CAMK1G: variants seen among roughly 807,000 people sequenced by gnomAD.
The protein encoded by CAMK1G is calcium/calmodulin-dependent protein kinase type 1G.
In CAMK1G, 27 loss-of-function variants were observed where a neutral mutation model predicts 54.8. That is an observed-to-expected ratio of 0.49 (90% CI 0.36 to 0.68). The LOEUF is 0.68. Ranked by LOEUF, CAMK1G falls within the 30% of genes least tolerant of loss-of-function variation. The pLI is 0.00. For missense variants in CAMK1G, 512 were observed against 591.0 expected, an observed-to-expected ratio of 0.87 and a Z score of 1.39; for synonymous variants, 238 against 224.9, an observed-to-expected ratio of 1.06 and a Z score of -0.52.
chr1:209,595,183 G>C, intron 2 of CAMK1G, 108 bp downstream of exon 2: 1 of 775,506 alleles, frequency 1.3e-6, no homozygotes, highest in Admixed American at 2.3e-5. Context: ...AGGCTGCTGT[G>C]ACTTCATTTC....
At chr1:209,588,449 C>T (rs1329847085) in intron 1 of CAMK1G, among the ~76,000 whole-genome samples, 1 of 152,006 alleles carries the variant, frequency 6.6e-6, no homozygotes, top group Non-Finnish European at 1.5e-5. Flanking sequence ...ACGTGATGCT[C>T]CTAAGACTCT....
chr1:209,598,332 A>G (rs7533785), intron 2 of CAMK1G, among the ~76,000 whole-genome samples: 78,960 of 152,124 alleles, frequency 0.52, 20,708 homozygotes, highest in African/African-American at 0.59. Flanking sequence ...ACTGGTACAG[A>G]GTGATCACCA....
intron 1 of CAMK1G, among the ~76,000 whole-genome samples, chr1:209,594,356 A>G (rs1437692094): frequency 2.6e-5 from 4 of 152,206 alleles, no homozygotes; most frequent in Non-Finnish European, 5.9e-5. Flanking sequence ...CTAAATACAT[A>G]TTGGTTAACT....
chr1:209,606,380 G>A lies in CAMK1G; in HGVS notation c.496G>A (p.Gly166Ser). The A allele has an allele frequency of 6.2e-7, 1 of 1,614,086 alleles. No homozygotes were observed. Among genetic ancestry groups the A allele is most frequent in the Non-Finnish European group, 8.5e-7 (1 of 1,179,972 alleles). The part of the protein sequence containing the change: ...ENSKIMITDF[G>S]LSKMEQNGIM... ...CTCTAAGATCATGATCACTGACTTT[G>A]GTCTGTCCAAGATGGAACAGAATGG... is the stretch of plus-strand genomic sequence containing the variant. Residue 166 changes from glycine to serine, a missense_variant, in exon 6 of 13, where the codon GGT becomes AGT. Gly to Ser is a moderately conservative substitution (Grantham distance 56). Around this residue, in one of 3 missense-constraint regions of CAMK1G, gnomAD observed 186 missense variants for 231.5 expected, o/e 0.80. Transcript: ENST00000361322.
chr1:209,610,668 C>T (rs1665759380), intron 9 of CAMK1G, among the ~76,000 whole-genome samples: 1 of 152,210 alleles, frequency 6.6e-6, no homozygotes, highest in Admixed American at 6.5e-5. Flanking sequence ...CAGTCTCTGC[C>T]CTTCCCTGAA....
Position 209,605,526 on chromosome 1 carries a change from A to G in CAMK1G, c.297-10A>G, listed in dbSNP as rs1268384074. On this transcript the variant is annotated splice_polypyrimidine_tract_variant and intron_variant, in intron 4 of 12. Coordinates refer to ENST00000361322, the MANE Select transcript of CAMK1G (RefSeq NM_020439.3). ...AGAACTGAATTCCTGTCTTGATCCT[A>G]TGCCCACAGTGTTTCTGGTGGGGAG... 3.7e-6 allele frequency: 6 copies of G among 1,613,248 alleles called. No homozygotes were observed. In the African/African-American group the frequency reaches 6.7e-5, roughly 18 times the overall value.
chr1:209,591,081 T>C (rs534797799), intron 1 of CAMK1G, among the ~76,000 whole-genome samples: 231 of 151,950 alleles, frequency 1.5e-3, no homozygotes, highest in Non-Finnish European at 2.3e-3. Context: ...GCTAAAGATA[T>C]CCCCCGACTC....
intron 4 of CAMK1G, among the ~76,000 whole-genome samples, chr1:209,604,008 C>T (rs912299164): frequency 3.3e-5 from 5 of 152,148 alleles, no homozygotes; most frequent in African/African-American, 9.7e-5. Context: ...GGCTCAAAGA[C>T]ACTTCTGTTT....
intron 2 of CAMK1G, among the ~76,000 whole-genome samples, chr1:209,598,733 C>T (rs1665449221): frequency 6.6e-6 from 1 of 152,232 alleles, no homozygotes; most frequent in South Asian, 2.1e-4. Flanking sequence ...CCCTCATCTA[C>T]CCTTTCACTT....
At chr1:209,594,303 G>A (rs966439038) in intron 1 of CAMK1G, among the ~76,000 whole-genome samples, 1 of 152,208 alleles carries the variant, frequency 6.6e-6, no homozygotes, top group Non-Finnish European at 1.5e-5. Context: ...GCCAGCATCT[G>A]TGTTGTTATC....
In CAMK1G at chr1:209,599,978, C is replaced by T; in HGVS notation, c.93-5C>T. 1.2e-6 allele frequency: 2 copies of T among 1,613,074 alleles called. No individual in the cohort carries two copies. Among genetic ancestry groups the T allele is most frequent in the Non-Finnish European group, 1.7e-6 (2 of 1,179,654 alleles). Reference sequence around the variant, plus strand: ...AAGTTTTATCTTTTGGTGTCTTCTCCTCAGAGGAGCTTTCTCAGAAGTTTT... The same window carrying T: ...AAGTTTTATCTTTTGGTGTCTTCTCTTCAGAGGAGCTTTCTCAGAAGTTTT... On this transcript the variant is annotated splice_region_variant and splice_polypyrimidine_tract_variant and intron_variant, in intron 2 of 12. Coordinates refer to ENST00000361322, the MANE Select transcript of CAMK1G (RefSeq NM_020439.3).
chr1:209,612,165 A>G lies in CAMK1G; in HGVS notation c.1289A>G (p.Lys430Arg). ...SSCLNIGSKGKSSYCSEPTLL... is the reference protein window; with the variant it reads ...SSCLNIGSKGRSSYCSEPTLL... ...TGCCTGAACATTGGGAGCAAAGGAA[A>G]GTCCTCCTACTGCTCTGAGCCCACA... Residue 430 changes from lysine to arginine, a missense_variant, in exon 11 of 13, where the codon AAG (lysine) becomes AGG (arginine). Physicochemically the swap from Lys to Arg is conservative, Grantham distance 26 (BLOSUM62 2). This residue lies in a region of CAMK1G where 315 missense variants were observed against 330.5 expected (regional missense o/e 0.95). Transcript: ENST00000361322. 17 of 1,614,190 alleles carry G rather than the reference A, an allele frequency of 1.1e-5. No homozygotes were observed. The highest frequency in any genetic ancestry group is 1.4e-5 in the Non-Finnish European group (17 of 1,180,040).
rs139589508 is a variant in CAMK1G at position 209,603,217 on chromosome 1, C to A, written c.225C>A (p.Ile75=). ...LENEIAVLKK[I]KHENIVTLED... is the part of the protein sequence containing the mutation. ...TCATGCACTTTATTTTTCCCAGGAT[C>A]AAGCATGAAAACATTGTGACCCTGG... Residue 75 remains isoleucine (I), a synonymous_variant, in exon 4 of 13, where the codon ATC becomes ATA. Transcript: ENST00000361322. The A allele has an allele frequency of 4.3e-6, 7 of 1,614,090 alleles. No homozygotes were observed. The highest frequency in any genetic ancestry group is 5.9e-6 in the Non-Finnish European group (7 of 1,179,964).
chr1:209,605,608 G>C lies in CAMK1G; in HGVS notation c.369G>C (p.Val123=). 1 of 1,614,164 alleles carries C rather than the reference G, an allele frequency of 6.2e-7. No individual in the cohort carries two copies. ...ACACAGAGAAGGATGCCAGTCTGGT[G>C]ATCCAGCAGGTCTTGTCGGCAGTGA... ...GVYTEKDASL[V]IQQVLSAVKY... Residue 123 remains valine (V), a synonymous_variant, in exon 5 of 13, where the codon GTG becomes GTC. Coordinates refer to ENST00000361322, the MANE Select transcript of CAMK1G (RefSeq NM_020439.3).
At position 209,605,548 on chromosome 1, in the gene CAMK1G, G is replaced by A; in HGVS notation, c.309G>A (p.Gly103=). The stretch of plus-strand genomic sequence containing the variant: ...CCTATGCCCACAGTGTTTCTGGTGG[G>A]GAGCTCTTTGACCGGATCCTGGAGC... The part of the protein sequence containing the change: ...YYLVMQLVSG[G]ELFDRILERG... The change falls in exon 5 of 13, where the codon GGG becomes GGA. Residue 103 remains glycine (G), a synonymous_variant. Transcript: ENST00000361322. 1 of 1,613,970 alleles carries A rather than the reference G, an allele frequency of 6.2e-7. No individual in the cohort carries two copies. Among genetic ancestry groups the A allele is most frequent in the Non-Finnish European group, 8.5e-7 (1 of 1,179,916 alleles).
At position 209,612,803 on chromosome 1, in the gene CAMK1G, C is replaced by T; in HGVS notation, c.1359C>T (p.Val453=). ...TTTCTAGGAACTTCAAGTCGGAGGTCATGGTACCAGTTAAAGCCAGTGGCA... is the reference window on the plus strand; with the variant it reads ...TTTCTAGGAACTTCAAGTCGGAGGTTATGGTACCAGTTAAAGCCAGTGGCA... ...ANKKQNFKSE[V]MVPVKASGSS... is the part of the protein sequence containing the mutation. The change falls in exon 12 of 13, where the codon GTC becomes GTT. Residue 453 remains valine (V), a synonymous_variant. Transcript: ENST00000361322. 6.2e-7 allele frequency: 1 copy of T among 1,614,072 alleles called. No homozygotes were observed. Among genetic ancestry groups the T allele is most frequent in the South Asian group, 1.1e-5 (1 of 91,048 alleles).
intron 2 of CAMK1G, among the ~76,000 whole-genome samples, chr1:209,596,521 C>T (rs922674532): frequency 6.6e-6 from 1 of 152,064 alleles, no homozygotes; most frequent in Non-Finnish European, 1.5e-5. Context: ...AGAGTTTATG[C>T]CTCCAACTTT....
At chr1:209,589,359 T>C (rs1457793199) in intron 1 of CAMK1G, among the ~76,000 whole-genome samples, 1 of 152,202 alleles carries the variant, frequency 6.6e-6, no homozygotes, top group Non-Finnish European at 1.5e-5. Context: ...CCAAGCAGAT[T>C]TGGCCTTCTA....
At chr1:209,593,883 G>T (rs1381717808) in intron 1 of CAMK1G, among the ~76,000 whole-genome samples, 2 of 152,088 alleles carry the variant, frequency 1.3e-5, no homozygotes, top group African/African-American at 2.4e-5. Context: ...GTCTTAAACA[G>T]AGTCTACAAA....
Sources: gnomAD v4.1 joint callset for allele counts (sites outside exome capture counted in the v4.1 genomes callset) on GRCh38, gnomAD v4.1.1 for gene constraint, gnomAD v4.1.1 regional missense constraint, MANE v1.5 for transcripts, NCBI Gene and HGNC (gene_info 2026-07-23, HGNC 2026-07-21) for gene names.